The following NOS2 variants were observed in gnomAD, a reference collection of about 807,000 sequenced individuals.
The protein encoded by NOS2 is nitric oxide synthase 2.
In NOS2, 96 loss-of-function variants were observed where a neutral mutation model predicts 136.0. The observed-to-expected ratio is 0.71, with a 90% confidence interval of 0.60 to 0.84. The LOEUF (loss-of-function observed/expected upper bound fraction) is 0.84, where lower values mean the gene tolerates loss of function less well. Ranked by LOEUF, NOS2 falls within the 40% of genes least tolerant of loss-of-function variation. The pLI is 0.00. For synonymous variants in NOS2, 539 were observed against 587.5 expected (o/e 0.92, Z 1.20); for missense variants, 1,237 against 1,496.9 (o/e 0.83, Z 2.87).
At chr17:27,765,481 G>C in intron 20 of NOS2, 54 bp downstream of exon 20, 1 of 1,499,984 alleles carries the variant, frequency 6.7e-7, no homozygotes, top group Admixed American at 2.0e-5. Context: ...CCCTCAGCCA[G>C]GTGGGGCGGC....
rs774227682 is a variant in NOS2 at position 27,760,038 on chromosome 17, T to G, written c.3151A>C (p.Lys1051Gln). Residue 1051 changes from lysine to glutamine, a missense_variant, in exon 25 of 27, where the codon AAG becomes CAG. By Grantham distance (53) the Lys-to-Gln change is moderately conservative. This residue lies in a region of NOS2 where 782 missense variants were observed against 909.9 expected (regional missense o/e 0.86). Coordinates refer to ENST00000313735, the MANE Select transcript of NOS2 (RefSeq NM_000625.4). Reference sequence around the variant, plus strand: ...TTTGAGGCTGCATTTACCTTGGGCTTGCCAGGCAGGCGGGAATAGGCTGTG... The same window carrying G: ...TTTGAGGCTGCATTTACCTTGGGCTGGCCAGGCAGGCGGGAATAGGCTGTG... ...VHTAYSRLPG[K>Q]PKVYVQDILR... 2 of 1,534,080 alleles carry G rather than the reference T, an allele frequency of 1.3e-6. No homozygotes were observed. Among genetic ancestry groups the G allele is most frequent in the South Asian group, 2.5e-5 (2 of 79,142 alleles).
intron 16 of NOS2, among the ~76,000 whole-genome samples, 167 bp downstream of exon 16, chr17:27,769,368 T>A (rs1182402399): frequency 1.3e-5 from 2 of 152,096 alleles, no homozygotes; most frequent in Non-Finnish European, 2.9e-5. Context: ...GGGACTTGGT[T>A]TCTGTGGTTT....
chr17:27,774,593 G>A (rs1399972165), intron 11 of NOS2, 142 bp from the exon 12 acceptor site: 1 of 505,962 alleles, frequency 2.0e-6, no homozygotes, highest in Non-Finnish European at 3.3e-6. Context: ...CCCTCTCCTT[G>A]CCTGCTGAAA....
chr17:27,778,275 A>G (rs112003798), intron 11 of NOS2, among the ~76,000 whole-genome samples: 6 of 152,158 alleles, frequency 3.9e-5, no homozygotes, highest in African/African-American at 7.2e-5. Flanking sequence ...AGGAAGCACA[A>G]TGAGATCTCT....
chr17:27,774,203 C>CAT, intron 12 of NOS2, 54 bp downstream of exon 12: 1 of 1,324,516 alleles, frequency 7.5e-7, no homozygotes, highest in Non-Finnish European at 1.0e-6. Flanking sequence ...CACACACACA[C>CAT]ACATACAGCC....
intron 11 of NOS2, among the ~76,000 whole-genome samples, chr17:27,776,110 G>A (rs1295752415): frequency 1.3e-5 from 2 of 152,146 alleles, no homozygotes; most frequent in East Asian, 1.9e-4. Context: ...GGCGAATTTC[G>A]GGAGCAGCTC....
At chr17:27,793,792 C>A (rs955217779) in intron 2 of NOS2, 2 of 378,956 alleles carry the variant, frequency 5.3e-6, no homozygotes, top group Admixed American at 9.1e-5. Context: ...GGGGGCGGGG[C>A]GAGCCGAGCA....
In NOS2 at chr17:27,765,528, G is replaced by A. The variant is rs1340500912; in HGVS notation, c.2428+7C>T. The stretch of plus-strand genomic sequence containing the variant: ...AGGCAGCACTGGCTTTCTAGCCCGG[G>A]GCTCACCACTCTCATCCAGGGCCTC... On this transcript the variant is annotated splice_region_variant and intron_variant, in intron 20 of 26. Coordinates refer to ENST00000313735, the MANE Select transcript of NOS2 (RefSeq NM_000625.4). The A allele has an allele frequency of 1.3e-6, 2 of 1,589,642 alleles. No individual in the cohort carries two copies. Among genetic ancestry groups the A allele is most frequent in the Admixed American group, 1.7e-5 (1 of 57,634 alleles).
At chr17:27,787,334 A>G (rs1286251265) in intron 5 of NOS2, among the ~76,000 whole-genome samples, 1 of 152,196 alleles carries the variant, frequency 6.6e-6, no homozygotes. Context: ...CTCATGAGCC[A>G]CCTTCTGTTA....
chr17:27,786,475 T>C (rs1230802697), intron 5 of NOS2, among the ~76,000 whole-genome samples: 8 of 152,154 alleles, frequency 5.3e-5, no homozygotes, highest in Non-Finnish European at 1.0e-4. Flanking sequence ...AAACAATCCA[T>C]TTCTTTCAGA....
intron 2 of NOS2, chr17:27,793,654 G>C: frequency 5.0e-6 from 2 of 397,032 alleles, no homozygotes; most frequent in Non-Finnish European, 8.9e-6. Flanking sequence ...GCACAGCCGG[G>C]GCCCGGCGGC....
At chr17:27,776,484 C>T (rs893922276) in intron 11 of NOS2, among the ~76,000 whole-genome samples, 2 of 151,850 alleles carry the variant, frequency 1.3e-5, no homozygotes, top group African/African-American at 4.8e-5. Flanking sequence ...ACCAGCCTGG[C>T]CAACATGGTG....
intron 23 of NOS2, 66 bp downstream of exon 23, chr17:27,761,078 C>T (rs1908108996): frequency 1.4e-6 from 2 of 1,403,042 alleles, no homozygotes; most frequent in Non-Finnish European, 1.9e-6. Context: ...CCAGATCCCT[C>T]CCTTTCCTCC....
At chr17:27,795,082 C>CT (rs1237750383) in intron 2 of NOS2, among the ~76,000 whole-genome samples, 3 of 151,838 alleles carry the variant, frequency 2.0e-5, no homozygotes, top group Non-Finnish European at 4.4e-5. Flanking sequence ...CTACGACCTC[C>CT]TGTCTACACT....
intron 2 of NOS2, chr17:27,793,489 C>A (rs1465505279): frequency 5.1e-6 from 2 of 392,950 alleles, no homozygotes; most frequent in Non-Finnish European, 9.0e-6. Context: ...ACAGAGCGCA[C>A]ATCCCCGCCC....
intron 21 of NOS2, among the ~76,000 whole-genome samples, chr17:27,763,495 A>AATG (rs1188641294): frequency 6.6e-6 from 1 of 152,196 alleles, no homozygotes; most frequent in Admixed American, 6.5e-5. Context: ...AATTAGCTAT[A>AATG]ATGATGATGA....
At chr17:27,775,216 T>C (rs1263118264) in intron 11 of NOS2, among the ~76,000 whole-genome samples, 1 of 152,190 alleles carries the variant, frequency 6.6e-6, no homozygotes, top group African/African-American at 2.4e-5. Flanking sequence ...TCCTAGCACT[T>C]TGGGAGGCCG....
chr17:27,758,145 A>G (rs1907986626), intron 26 of NOS2, among the ~76,000 whole-genome samples: 1 of 152,188 alleles, frequency 6.6e-6, no homozygotes, highest in Non-Finnish European at 1.5e-5. Flanking sequence ...TGATTCATTT[A>G]CTGCTCTATC....
chr17:27,765,375 G>C (rs1181205345), intron 20 of NOS2, among the ~76,000 whole-genome samples, 160 bp downstream of exon 20: 1 of 152,250 alleles, frequency 6.6e-6, no homozygotes, highest in Non-Finnish European at 1.5e-5. Context: ...TTATGGGCTG[G>C]GACTGTTTCC....
Sources: allele counts gnomAD v4.1 joint callset (sites outside exome capture counted in the v4.1 genomes callset), GRCh38; gene constraint gnomAD v4.1.1; regional missense constraint gnomAD v4.1.1; transcripts MANE v1.5; gene names NCBI Gene and HGNC (gene_info 2026-07-23, HGNC 2026-07-21).